Variants in IGSF10 observed in about 807,000 individuals in gnomAD.
IGSF10 encodes the protein calvaria mechanical force protein 608.
IGSF10 carries 126 observed loss-of-function variants against 128.2 expected under a neutral mutation model. The observed-to-expected ratio is 0.98, with a 90% CI of 0.85 to 1.14. IGSF10 has a LOEUF of 1.14. Ranked by LOEUF, IGSF10 falls within the 50% of genes most tolerant of loss-of-function variation. The probability of loss-of-function intolerance (pLI) is 0.00; values close to 1 mark genes in which losing one functional copy is unlikely to be tolerated. For synonymous variants in IGSF10, 1,185 were observed against 1,146.2 expected (o/e 1.03, Z -0.68); for missense variants, 3,295 against 3,149.8 (o/e 1.05, Z -1.10).
At chr3:151,613,548 A>C in the IGSF10 span, among the ~76,000 whole-genome samples, 3 of 152,242 alleles carry the variant, frequency 2.0e-5, no homozygotes, top group Non-Finnish European at 2.9e-5. Context: ...GATCTTTGAC[A>C]AACCTGACAA....
At chr3:151,466,561 G>A in the IGSF10 span, among the ~76,000 whole-genome samples, 1 of 152,102 alleles carries the variant, frequency 6.6e-6, no homozygotes, top group Admixed American at 6.5e-5. Flanking sequence ...GGCCCAGCAC[G>A]TGTTTTTGTT....
At chr3:151,580,952 A>ATT in the IGSF10 span, among the ~76,000 whole-genome samples, 1 of 146,292 alleles carries the variant, frequency 6.8e-6, no homozygotes, top group Non-Finnish European at 1.5e-5. Context: ...ATAAAATCAG[A>ATT]TTTTTTTTTT....
the IGSF10 span, among the ~76,000 whole-genome samples, chr3:151,468,799 T>G: frequency 1.3e-5 from 2 of 152,366 alleles, no homozygotes; most frequent in African/African-American, 4.8e-5. Flanking sequence ...TAGGTAAATG[T>G]GTGTCATGGT....
At chr3:151,607,784 G>A in the IGSF10 span, among the ~76,000 whole-genome samples, 14 of 151,562 alleles carry the variant, frequency 9.2e-5, no homozygotes, top group South Asian at 4.2e-4. Flanking sequence ...GGTGGCAGGC[G>A]CCTGTAGTCC....
At chr3:151,532,203 CA>C in the IGSF10 span, among the ~76,000 whole-genome samples, 1 of 151,624 alleles carries the variant, frequency 6.6e-6, no homozygotes, top group Non-Finnish European at 1.5e-5. Context: ...ACAAACACCA[CA>C]AAAAAGTCCA....
the IGSF10 span, among the ~76,000 whole-genome samples, chr3:151,615,532 T>C: frequency 2.0e-5 from 3 of 152,240 alleles, no homozygotes; most frequent in East Asian, 5.8e-4. Flanking sequence ...TTTGCAGTAA[T>C]GGGAAATAAG....
At chr3:151,611,172 G>C in the IGSF10 span, among the ~76,000 whole-genome samples, 1 of 152,152 alleles carries the variant, frequency 6.6e-6, no homozygotes, top group African/African-American at 2.4e-5. Flanking sequence ...AATTTAGCTT[G>C]TCATATGCAA....
chr3:151,473,688 C>T, the IGSF10 span, among the ~76,000 whole-genome samples: 412 of 152,262 alleles, frequency 2.7e-3, 4 homozygotes, highest in African/African-American at 9.6e-3. Context: ...TATGGATGAA[C>T]AAACTTGACT....
At chr3:151,517,632 CCCT>C in the IGSF10 span, among the ~76,000 whole-genome samples, 1 of 151,786 alleles carries the variant, frequency 6.6e-6, no homozygotes, top group Non-Finnish European at 1.5e-5. Flanking sequence ...GGCACTAAGG[CCCT>C]ATGTTTTGGT....
downstream of IGSF10, chr3:151,435,705 C>A (rs1312203253): frequency 1.3e-5 from 2 of 152,162 alleles, no homozygotes; most frequent in East Asian, 1.9e-4. Flanking sequence ...TAGATAAGAT[C>A]AATCATTTAA....
chr3:151,548,030 C>G, the IGSF10 span, among the ~76,000 whole-genome samples: 2 of 152,078 alleles, frequency 1.3e-5, no homozygotes, highest in Non-Finnish European at 2.9e-5. Flanking sequence ...TTCTACTCTC[C>G]CATTGAGATG....
chr3:151,580,931 ATC>A, the IGSF10 span, among the ~76,000 whole-genome samples: 1 of 151,890 alleles, frequency 6.6e-6, no homozygotes, highest in Non-Finnish European at 1.5e-5. Flanking sequence ...CAAATTCCAG[ATC>A]TGTTTTTTAT....
the IGSF10 span, among the ~76,000 whole-genome samples, chr3:151,587,203 T>C: frequency 1.3e-5 from 2 of 152,180 alleles, no homozygotes; most frequent in African/African-American, 2.4e-5. Flanking sequence ...GAGTGAAGCA[T>C]GGTTCCTGCA....
the IGSF10 span, among the ~76,000 whole-genome samples, chr3:151,509,725 G>A: frequency 6.6e-6 from 1 of 152,200 alleles, no homozygotes; most frequent in East Asian, 1.9e-4. Flanking sequence ...CCCTTTCCTA[G>A]TCAAAGAAAG....
chr3:151,546,540 C>G, the IGSF10 span, among the ~76,000 whole-genome samples: 1 of 149,296 alleles, frequency 6.7e-6, no homozygotes, highest in Non-Finnish European at 1.5e-5. Context: ...AATATTTAGT[C>G]GAGATAAAGC....
At chr3:151,559,117 C>T in the IGSF10 span, among the ~76,000 whole-genome samples, 1 of 152,080 alleles carries the variant, frequency 6.6e-6, no homozygotes. Flanking sequence ...TAATTATAGT[C>T]ACAAGACAAA....
chr3:151,614,624 G>C, the IGSF10 span, among the ~76,000 whole-genome samples: 1 of 151,172 alleles, frequency 6.6e-6, no homozygotes, highest in Non-Finnish European at 1.5e-5. Flanking sequence ...TGAACAATGA[G>C]AACACATGGA....
chr3:151,448,843 A>C lies in IGSF10; in HGVS notation c.1138T>G (p.Leu380Val), dbSNP rs1721365996. The C allele has an allele frequency of 1.2e-6, 2 of 1,614,002 alleles. No individual in the cohort carries two copies. Among genetic ancestry groups the C allele is most frequent in the East Asian group, 2.2e-5 (1 of 44,878 alleles). ...HIQPVWQILA[L>V]YSDSPLILER... ...AGTATCAGAGGAGAATCACTGTACAAAGCCAAAATTTGCCACACTGGCTGA... is the reference window on the plus strand; with the variant it reads ...AGTATCAGAGGAGAATCACTGTACACAGCCAAAATTTGCCACACTGGCTGA... Residue 380 changes from leucine to valine, a missense_variant, in exon 6 of 8, where the codon TTG becomes GTG. By Grantham distance (32) the Leu-to-Val change is conservative. Transcript: ENST00000282466.
At chr3:151,552,998 T>C in the IGSF10 span, among the ~76,000 whole-genome samples, 1 of 152,164 alleles carries the variant, frequency 6.6e-6, no homozygotes, top group Non-Finnish European at 1.5e-5. Context: ...CCTTTATCTC[T>C]AGCTCCTGCC....
Sources: gnomAD v4.1 joint callset for allele counts (sites outside exome capture counted in the v4.1 genomes callset) on GRCh38, gnomAD v4.1.1 for gene constraint, MANE v1.5 for transcripts, NCBI Gene and HGNC (gene_info 2026-07-23, HGNC 2026-07-21) for gene names.